The following TASP1 variants were observed in gnomAD, a reference collection of about 807,000 sequenced individuals.
TASP1 encodes the protein threonine aspartase 1.
TASP1 carries 16 observed loss-of-function variants against 56.6 expected under a neutral mutation model. The ratio of observed to expected loss-of-function variants is 0.28; its 90% CI spans 0.19 to 0.43. TASP1 has a LOEUF of 0.43. Ranked by LOEUF, TASP1 falls within the 20% of genes least tolerant of loss-of-function variation. The pLI is 1.00. For missense variants in TASP1, 393 were observed against 511.6 expected, an observed-to-expected ratio of 0.77 and a Z score of 2.24; for synonymous variants, 179 against 184.2, an observed-to-expected ratio of 0.97 and a Z score of 0.23.
At chr20:13,524,046 G>A (rs976760876) in intron 10 of TASP1, among the ~76,000 whole-genome samples, 10 of 152,102 alleles carry the variant, frequency 6.6e-5, no homozygotes, top group Non-Finnish European at 2.9e-5. Flanking sequence ...CTACTTGGGA[G>A]GCTGAGGCAG....
chr20:13,400,375 A>G (rs535712017), intron 13 of TASP1, among the ~76,000 whole-genome samples: 11 of 152,298 alleles, frequency 7.2e-5, no homozygotes, highest in Middle Eastern at 3.4e-3. Context: ...TACTGTAATA[A>G]CCCTAACTCT....
At chr20:13,470,203 T>C (rs2146417256) in intron 11 of TASP1, among the ~76,000 whole-genome samples, 2 of 152,242 alleles carry the variant, frequency 1.3e-5, no homozygotes, top group East Asian at 3.9e-4. Context: ...TGATACAAGC[T>C]ACAAGCTTTC....
At chr20:13,284,817 G>GA in the TASP1 span, among the ~76,000 whole-genome samples, 5 of 152,046 alleles carry the variant, frequency 3.3e-5, no homozygotes, top group African/African-American at 1.2e-4. Flanking sequence ...GGACCCATAT[G>GA]AAAAAAATGT....
chr20:13,118,539 T>C, the TASP1 span, among the ~76,000 whole-genome samples: 1 of 151,566 alleles, frequency 6.6e-6, no homozygotes, highest in Non-Finnish European at 1.5e-5. Flanking sequence ...TATTCAAACC[T>C]GGGTTTGAGA....
At chr20:13,211,796 T>C in the TASP1 span, among the ~76,000 whole-genome samples, 3 of 152,204 alleles carry the variant, frequency 2.0e-5, no homozygotes, top group African/African-American at 7.2e-5. Context: ...ACAGGCCAAA[T>C]CCTACCCACA....
the TASP1 span, among the ~76,000 whole-genome samples, chr20:13,161,549 A>G: frequency 3.3e-5 from 5 of 152,286 alleles, no homozygotes; most frequent in East Asian, 3.9e-4. Context: ...CCAGACTTAC[A>G]TGGAACTAGA....
At chr20:13,452,685 T>C (rs901140645) in intron 11 of TASP1, among the ~76,000 whole-genome samples, 1 of 151,784 alleles carries the variant, frequency 6.6e-6, no homozygotes, top group Non-Finnish European at 1.5e-5. Context: ...TGAGAAGCTA[T>C]TGAGCTATTG....
the TASP1 span, chr20:13,221,998 C>A: frequency 2.7e-5 from 32 of 1,192,982 alleles, no homozygotes; most frequent in Non-Finnish European, 3.3e-5. Context: ...CGGGTGGATG[C>A]AGGGAGGCAG....
chr20:13,488,233 TC>T (rs2043397968), intron 10 of TASP1, among the ~76,000 whole-genome samples: 1 of 151,794 alleles, frequency 6.6e-6, no homozygotes, highest in African/African-American at 2.4e-5. Flanking sequence ...AAAATAGAAA[TC>T]CATCCTTAAT....
chr20:13,259,662 C>G, the TASP1 span, among the ~76,000 whole-genome samples: 1 of 152,176 alleles, frequency 6.6e-6, no homozygotes, highest in African/African-American at 2.4e-5. Flanking sequence ...AGCCATAAAA[C>G]AGTTAGCACT....
the TASP1 span, among the ~76,000 whole-genome samples, chr20:13,212,067 C>T: frequency 6.6e-6 from 1 of 152,126 alleles, no homozygotes; most frequent in Non-Finnish European, 1.5e-5. Flanking sequence ...GTGGAAACAG[C>T]ATTGTGCATT....
the TASP1 span, among the ~76,000 whole-genome samples, chr20:13,183,277 C>T: frequency 1.3e-5 from 2 of 152,168 alleles, no homozygotes; most frequent in African/African-American, 4.8e-5. Flanking sequence ...GCCTGCCAGA[C>T]GTGTGGGTGA....
chr20:13,501,591 C>T (rs1479136721), intron 10 of TASP1, among the ~76,000 whole-genome samples: 5 of 151,548 alleles, frequency 3.3e-5, no homozygotes, highest in African/African-American at 7.3e-5. Context: ...AAAATATTTA[C>T]GGAGAAGAAA....
At chr20:13,290,830 T>A in the TASP1 span, among the ~76,000 whole-genome samples, 1 of 152,232 alleles carries the variant, frequency 6.6e-6, no homozygotes, top group Non-Finnish European at 1.5e-5. Context: ...GTATTTATGA[T>A]TGTACTCATT....
At chr20:13,583,306 G>A (rs1366923295) in intron 5 of TASP1, among the ~76,000 whole-genome samples, 1 of 152,200 alleles carries the variant, frequency 6.6e-6, no homozygotes. Flanking sequence ...CTCACACAAT[G>A]ACTGTAGACC....
At chr20:13,156,929 G>T in the TASP1 span, among the ~76,000 whole-genome samples, 7 of 152,280 alleles carry the variant, frequency 4.6e-5, no homozygotes, top group African/African-American at 1.7e-4. Context: ...TAAAGATCCT[G>T]CTACACTCTG....
the TASP1 span, among the ~76,000 whole-genome samples, chr20:13,171,311 G>T: frequency 2.0e-5 from 3 of 152,012 alleles, no homozygotes; most frequent in African/African-American, 7.2e-5. Context: ...AACAAAATAG[G>T]TTTCTTTCAT....
chr20:13,247,342 A>G, the TASP1 span, among the ~76,000 whole-genome samples: 2 of 152,136 alleles, frequency 1.3e-5, no homozygotes, highest in Non-Finnish European at 2.9e-5. Flanking sequence ...GCATCAGGAA[A>G]TGTTGTGTCT....
chr20:13,181,781 C>T, the TASP1 span, among the ~76,000 whole-genome samples: 6 of 152,154 alleles, frequency 3.9e-5, no homozygotes, highest in Admixed American at 1.3e-4. Context: ...ATCTCTGAGA[C>T]GCAGTTCCTT....
Sources: allele counts gnomAD v4.1 joint callset (sites outside exome capture counted in the v4.1 genomes callset), GRCh38; gene constraint gnomAD v4.1.1; transcripts MANE v1.5; gene names NCBI Gene and HGNC (gene_info 2026-07-23, HGNC 2026-07-21).